The following STPG4 variants were observed in gnomAD, a reference collection of about 807,000 sequenced individuals.
The protein encoded by STPG4 is sperm-tail PG-rich repeat containing 4, also known as protein STPG4.
A neutral mutation model predicts 31.5 loss-of-function variants in STPG4; 41 were observed. The ratio of observed to expected loss-of-function variants is 1.30; its 90% CI spans 1.01 to 1.69. The LOEUF is 1.69. Ranked by LOEUF, STPG4 falls within the 40% of genes most tolerant of loss-of-function variation. The pLI is 0.00. For synonymous variants in STPG4, 141 were observed against 103.0 expected (o/e 1.37, Z -2.24); for missense variants, 375 against 293.4 (o/e 1.28, Z -2.03).
At chr2:47,104,968 A>G (rs1685880943) in intron 5 of STPG4, among the ~76,000 whole-genome samples, 1 of 151,952 alleles carries the variant, frequency 6.6e-6, no homozygotes, top group African/African-American at 2.4e-5. Context: ...TGGAATTACC[A>G]GCTTTTGCCA....
chr2:47,108,434 CACG>C (rs1208952612), intron 5 of STPG4: 3 of 155,432 alleles, frequency 1.9e-5, no homozygotes, highest in Admixed American at 1.3e-4. Context: ...ACCACGAACC[CACG>C]ACAAGGAAGA....
chr2:47,129,636 C>G (rs917493405), intron 5 of STPG4: 3 of 279,078 alleles, frequency 1.1e-5, no homozygotes, highest in Non-Finnish European at 2.0e-5. Context: ...CTCTTCATGC[C>G]ACGTGGCTGC....
intron 5 of STPG4, among the ~76,000 whole-genome samples, chr2:47,119,382 C>T (rs1686221049): frequency 1.3e-5 from 2 of 152,254 alleles, no homozygotes; most frequent in South Asian, 4.2e-4. Context: ...TAAGCATCTC[C>T]CAAAATCTCC....
intron 5 of STPG4, among the ~76,000 whole-genome samples, chr2:47,098,021 C>T (rs1336478531): frequency 6.6e-6 from 1 of 150,914 alleles, no homozygotes; most frequent in Admixed American, 6.6e-5. Flanking sequence ...CACCTTTTTG[C>T]TTTTCACGTG....
intron 2 of STPG4, among the ~76,000 whole-genome samples, chr2:47,151,731 A>G (rs1412520369): frequency 2.6e-5 from 4 of 151,786 alleles, no homozygotes; most frequent in African/African-American, 9.7e-5. Context: ...AACGGGTTAG[A>G]GTTGAAATTT....
chr2:47,121,661 T>C (rs977044313), intron 5 of STPG4, among the ~76,000 whole-genome samples: 21 of 152,206 alleles, frequency 1.4e-4, no homozygotes, highest in Admixed American at 6.5e-5. Context: ...CTCATAGTTC[T>C]AGGGTCTGAA....
intron 5 of STPG4, among the ~76,000 whole-genome samples, chr2:47,098,420 T>C (rs1029820214): frequency 2.6e-5 from 4 of 152,152 alleles, no homozygotes; most frequent in Non-Finnish European, 1.5e-5. Context: ...AAACCAGTGA[T>C]TTAGCGTTTC....
In STPG4 at chr2:47,087,016, A is replaced by G; in HGVS notation, c.739T>C (p.Leu247=). The part of the protein sequence containing the change: ...SLFFNNNNWL[L]K ...TTGGTGCCAAGATCACTTTATTTTA[A>G]AAGCCAATTGTTGTTGTTGAAGAAA... The change falls in exon 7 of 7, where the codon TTA becomes CTA. Residue 247 remains leucine, a synonymous_variant. Transcript: ENST00000445927. 6.4e-7 allele frequency: 1 copy of G among 1,551,716 alleles called. No individual in the cohort carries two copies. The highest frequency in any genetic ancestry group is 8.7e-7 in the Non-Finnish European group (1 of 1,146,994).
chr2:47,153,598 C>G (rs1432623404), intron 1 of STPG4, among the ~76,000 whole-genome samples: 1 of 152,152 alleles, frequency 6.6e-6, no homozygotes, highest in Non-Finnish European at 1.5e-5. Flanking sequence ...ACTAAAAATA[C>G]AAAAACATTA....
At chr2:47,131,290 CT>C (rs1686478412) in intron 3 of STPG4, among the ~76,000 whole-genome samples, 1 of 151,972 alleles carries the variant, frequency 6.6e-6, no homozygotes, top group Admixed American at 6.6e-5. Flanking sequence ...CCATACCTGG[CT>C]AATTTTCTTG....
chr2:47,111,994 G>A (rs561762132), intron 5 of STPG4, among the ~76,000 whole-genome samples: 2 of 152,304 alleles, frequency 1.3e-5, no homozygotes, highest in East Asian at 1.9e-4. Flanking sequence ...TTTAACAAGT[G>A]AGAATAGCTC....
At chr2:47,129,414 A>G (rs1380742854) in intron 5 of STPG4, 2 of 154,530 alleles carry the variant, frequency 1.3e-5, no homozygotes, top group Non-Finnish European at 2.9e-5. Context: ...AGGACCTCAG[A>G]GCACTTCAGC....
chr2:47,126,836 C>A (rs879406583), intron 5 of STPG4, among the ~76,000 whole-genome samples: 1 of 152,004 alleles, frequency 6.6e-6, no homozygotes, highest in Admixed American at 6.6e-5. Context: ...TATGTCATGC[C>A]ACTCACTCCT....
intron 3 of STPG4, among the ~76,000 whole-genome samples, chr2:47,138,393 GT>G (rs869102317): frequency 0.015 from 2,088 of 138,398 alleles, 36 homozygotes; most frequent in African/African-American, 0.046. Context: ...ATTTGTTAAG[GT>G]TTTTTTTTTT....
intron 5 of STPG4, among the ~76,000 whole-genome samples, chr2:47,102,869 A>G (rs2103742319): frequency 6.6e-6 from 1 of 151,770 alleles, no homozygotes; most frequent in East Asian, 1.9e-4. Context: ...GATGATCCTG[A>G]TAGGTACATA....
At chr2:47,150,208 T>G (rs1686907664) in intron 3 of STPG4, among the ~76,000 whole-genome samples, 1 of 152,252 alleles carries the variant, frequency 6.6e-6, no homozygotes, top group Admixed American at 6.5e-5. Context: ...CATGTATTAG[T>G]GAAGGTCCAG....
chr2:47,115,385 T>C (rs189659208), intron 5 of STPG4, among the ~76,000 whole-genome samples: 113 of 152,298 alleles, frequency 7.4e-4, no homozygotes, highest in African/African-American at 2.5e-3. Flanking sequence ...TGTTTTGCTG[T>C]ATTTATCACC....
At chr2:47,144,010 C>T (rs905377691) in intron 3 of STPG4, among the ~76,000 whole-genome samples, 1 of 152,174 alleles carries the variant, frequency 6.6e-6, no homozygotes, top group African/African-American at 2.4e-5. Flanking sequence ...TCACCATCTT[C>T]TCCCTGTCCC....
chr2:47,132,722 G>A (rs766304429), intron 3 of STPG4, among the ~76,000 whole-genome samples: 1 of 152,110 alleles, frequency 6.6e-6, no homozygotes, highest in African/African-American at 2.4e-5. Flanking sequence ...TTACGTGGAT[G>A]TTTGCTTTCT....
Sources: allele counts gnomAD v4.1 joint callset (sites outside exome capture counted in the v4.1 genomes callset), GRCh38; gene constraint gnomAD v4.1.1; transcripts MANE v1.5; gene names NCBI Gene and HGNC (gene_info 2026-07-23, HGNC 2026-07-21).